The following FBN1 variants were observed in gnomAD, a reference collection of about 807,000 sequenced individuals.
FBN1 encodes fibrillin 1.
Under a neutral mutation model 365.1 loss-of-function variants are expected in FBN1, and 29 were observed. The observed-to-expected ratio is 0.08, with a 90% CI of 0.06 to 0.11. The LOEUF (loss-of-function observed/expected upper bound fraction) is 0.11. Ranked by LOEUF, FBN1 falls within the 10% of genes least tolerant of loss-of-function variation. FBN1 has a pLI of 1.00. For missense variants in FBN1, 2,476 were observed against 3,703.2 expected, an observed-to-expected ratio of 0.67 and a Z score of 8.60; for synonymous variants, 1,210 against 1,270.5, an observed-to-expected ratio of 0.95 and a Z score of 1.01.
intron 23 of FBN1, 140 bp downstream of exon 23, chr15:48,494,064 C>T (rs942584915): frequency 2.3e-5 from 16 of 708,744 alleles, no homozygotes; most frequent in Non-Finnish European, 4.0e-5. Context: ...ACAGCTGTTC[C>T]GTTTTGTAGT....
In FBN1 at chr15:48,448,781, T is replaced by C; in HGVS notation, c.5658A>G (p.Gln1886=). 6.2e-7 allele frequency: 1 copy of C among 1,612,866 alleles called. No homozygotes were observed. Among genetic ancestry groups the C allele is most frequent in the Non-Finnish European group, 8.5e-7 (1 of 1,179,202 alleles). Residue 1886 remains glutamine, a synonymous_variant, in exon 46 of 66, where the codon CAA becomes CAG. Transcript: ENST00000316623. The part of the protein sequence containing the change: ...CHTGFKTNDD[Q]TMCLDINECE... ...TTGCATACTTACCCAAGCACATGGT[T>C]TGGTCATCATTTGTTTTAAAACCAG... is the stretch of plus-strand genomic sequence containing the variant.
chr15:48,638,999 G>A (rs554643476), intron 2 of FBN1, among the ~76,000 whole-genome samples: 4 of 152,168 alleles, frequency 2.6e-5, no homozygotes, highest in Non-Finnish European at 5.9e-5. Context: ...GATTCTTTCT[G>A]TTTTATTAAT....
chr15:48,504,523 GCTTA>G (rs1182795058), intron 16 of FBN1, among the ~76,000 whole-genome samples: 1 of 152,106 alleles, frequency 6.6e-6, no homozygotes, highest in Non-Finnish European at 1.5e-5. Context: ...AATTCAAATG[GCTTA>G]CTGAGTACCT....
At chr15:48,528,542 A>G (rs550812387) in intron 8 of FBN1, among the ~76,000 whole-genome samples, 1 of 152,314 alleles carries the variant, frequency 6.6e-6, no homozygotes, top group South Asian at 2.1e-4. Flanking sequence ...CAAACCTGAA[A>G]TAAGAGCAAA....
chr15:48,627,898 A>G (rs951849959), intron 2 of FBN1, among the ~76,000 whole-genome samples: 11 of 152,254 alleles, frequency 7.2e-5, no homozygotes, highest in Admixed American at 7.2e-4. Context: ...TGCCAGCACA[A>G]AGTTTCAACA....
chr15:48,473,815 A>C (rs565339267), intron 34 of FBN1, among the ~76,000 whole-genome samples: 6 of 152,060 alleles, frequency 3.9e-5, no homozygotes, highest in Non-Finnish European at 7.4e-5. Context: ...GGCAAAAAAA[A>C]AATAATAATA....
intron 56 of FBN1, 74 bp downstream of exon 56, chr15:48,430,597 C>T: frequency 6.3e-7 from 1 of 1,577,070 alleles, no homozygotes; most frequent in African/African-American, 1.3e-5. Context: ...ATCCCAAGAA[C>T]TCAGAGCCCA....
intron 6 of FBN1, among the ~76,000 whole-genome samples, chr15:48,548,486 A>G (rs539284353): frequency 2.0e-5 from 3 of 152,340 alleles, no homozygotes; most frequent in African/African-American, 7.2e-5. Context: ...AGAATAGTAT[A>G]TGCCTTAGAA....
chr15:48,417,513 T>C (rs1394648722), intron 63 of FBN1, among the ~76,000 whole-genome samples: 1 of 137,796 alleles, frequency 7.3e-6, no homozygotes, highest in African/African-American at 2.7e-5. Context: ...TCCTTCTCTC[T>C]TTCCCTCCTT....
chr15:48,495,370 T>A, intron 21 of FBN1, 99 bp downstream of exon 21: 1 of 1,592,694 alleles, frequency 6.3e-7, no homozygotes, highest in Admixed American at 1.7e-5. Flanking sequence ...AAGTTTTTAA[T>A]ATTGTTCATC....
At chr15:48,434,899 T>A (rs188695489) in intron 53 of FBN1, among the ~76,000 whole-genome samples, 186 bp from the exon 54 acceptor site, 7 of 152,266 alleles carry the variant, frequency 4.6e-5, no homozygotes, top group Admixed American at 6.5e-5. Flanking sequence ...CAGGTTCAAG[T>A]GAATCTCATG....
At chr15:48,593,822 A>T (rs899557709) in intron 6 of FBN1, among the ~76,000 whole-genome samples, 9 of 152,194 alleles carry the variant, frequency 5.9e-5, no homozygotes, top group African/African-American at 1.9e-4. Flanking sequence ...AGAGATGTGG[A>T]GAGAGTACTA....
chr15:48,473,259 A>C (rs2043392597), intron 34 of FBN1, among the ~76,000 whole-genome samples: 1 of 151,810 alleles, frequency 6.6e-6, no homozygotes, highest in African/African-American at 2.4e-5. Context: ...TTCAGGGAAT[A>C]AAAAAAAATT....
intron 34 of FBN1, 70 bp from the exon 35 acceptor site, chr15:48,472,746 C>T (rs998554256): frequency 1.2e-6 from 2 of 1,606,854 alleles, no homozygotes; most frequent in Non-Finnish European, 1.7e-6. Context: ...GGTCTATCAA[C>T]TTTCCAGTGC....
chr15:48,626,966 A>G (rs113509980), intron 2 of FBN1, among the ~76,000 whole-genome samples: 73 of 152,196 alleles, frequency 4.8e-4, no homozygotes, highest in Non-Finnish European at 1.0e-4. Flanking sequence ...TTCTCAGATG[A>G]GGAAACTGAA....
intron 47 of FBN1, among the ~76,000 whole-genome samples, chr15:48,446,409 A>C (rs2043159257): frequency 6.6e-6 from 1 of 152,164 alleles, no homozygotes; most frequent in African/African-American, 2.4e-5. Flanking sequence ...CCTAATTTAT[A>C]AATTAAACTT....
rs1597581542 is a variant in FBN1 at position 48,516,305 on chromosome 15, G to A, written c.1205C>T (p.Pro402Leu). Residue 402 changes from proline (P) to leucine (L), a missense_variant, in exon 11 of 66, where the codon CCT becomes CTT. Coordinates refer to ENST00000316623, the MANE Select transcript of FBN1 (RefSeq NM_000138.5). Reference sequence around the variant, plus strand: ...AGGAATGGGGCCAAGGGGTGGGGGAGGATATTCTGGTCTCCCAGGAATTAC... The same window carrying A: ...AGGAATGGGGCCAAGGGGTGGGGGAAGATATTCTGGTCTCCCAGGAATTAC... ...PMVIPGRPEY[P>L]PPPLGPIPPV... 1 of 1,613,772 alleles carries A rather than the reference G, an allele frequency of 6.2e-7. No homozygotes were observed. The highest frequency in any genetic ancestry group is 8.5e-7 in the Non-Finnish European group (1 of 1,179,856).
intron 6 of FBN1, among the ~76,000 whole-genome samples, chr15:48,568,084 G>GAAAGAAAGAAAGA (rs1447250769): frequency 2.2e-4 from 29 of 130,730 alleles, no homozygotes; most frequent in African/African-American, 8.3e-4. Context: ...AAGAAAGAAA[G>GAAAGAAAGAAAGA]ACTATCTTTA....
At chr15:48,566,627 A>T (rs1252814842) in intron 6 of FBN1, among the ~76,000 whole-genome samples, 1 of 152,220 alleles carries the variant, frequency 6.6e-6, no homozygotes, top group African/African-American at 2.4e-5. Context: ...GGTTTATACA[A>T]AAAGAAAATG....
Sources: gnomAD v4.1 joint callset for allele counts (sites outside exome capture counted in the v4.1 genomes callset) on GRCh38, gnomAD v4.1.1 for gene constraint, MANE v1.5 for transcripts, NCBI Gene and HGNC (gene_info 2026-07-23, HGNC 2026-07-21) for gene names.